The following NAV1 variants were observed in gnomAD, a reference collection of about 807,000 sequenced individuals.
NAV1 encodes the protein neuron navigator 1.
NAV1 carries 18 observed loss-of-function variants against 175.2 expected under a neutral mutation model. The observed-to-expected ratio is 0.10, with a 90% CI of 0.07 to 0.15. The LOEUF is 0.15. Ranked by LOEUF, NAV1 falls within the 10% of genes least tolerant of loss-of-function variation. The pLI is 1.00. For missense variants in NAV1, 1,731 were observed against 2,436.6 expected, an observed-to-expected ratio of 0.71 and a Z score of 6.10; for synonymous variants, 897 against 978.7, an observed-to-expected ratio of 0.92 and a Z score of 1.56.
At chr1:201,655,783 C>T (rs1290020903) in intron 1 of NAV1, among the ~76,000 whole-genome samples, 1 of 152,102 alleles carries the variant, frequency 6.6e-6, no homozygotes, top group Non-Finnish European at 1.5e-5. Context: ...GGCACAGCAG[C>T]GTGTGCCTGG....
exon 1 of NAV1, chr1:201,648,788 A>G: frequency 5.3e-6 from 8 of 1,497,206 alleles, no homozygotes; most frequent in Non-Finnish European, 6.2e-6. Context: ...CGGACGGCAG[A>G]GGCATGCTGC....
At chr1:201,811,562 C>T in intron 24 of NAV1, 41 bp from the exon 29 acceptor site, 1 of 1,613,152 alleles carries the variant, frequency 6.2e-7, no homozygotes, top group Non-Finnish European at 8.5e-7. Flanking sequence ...GATCCAGCTG[C>T]TTATTCCCAA....
intron 1 of NAV1, among the ~76,000 whole-genome samples, chr1:201,586,458 G>A (rs1442533872): frequency 6.6e-6 from 1 of 152,194 alleles, no homozygotes; most frequent in East Asian, 1.9e-4. Context: ...CCATAACAAA[G>A]TGCCACAGAC....
chr1:201,816,674 C>CTT (rs35468878), intron 28 of NAV1, among the ~76,000 whole-genome samples: 47,730 of 102,874 alleles, frequency 0.46, 13,436 homozygotes, highest in Non-Finnish European at 0.56. Context: ...AGGAAGTGCA[C>CTT]TTTTTTTTTT....
At chr1:201,669,089 C>T (rs2102373566) in intron 1 of NAV1, among the ~76,000 whole-genome samples, 1 of 152,318 alleles carries the variant, frequency 6.6e-6, no homozygotes, top group Non-Finnish European at 1.5e-5. Context: ...TGGTTAGCAA[C>T]AAATGGCATG....
At chr1:201,563,616 C>T (rs183875154) in intron 1 of NAV1, among the ~76,000 whole-genome samples, 27 of 152,214 alleles carry the variant, frequency 1.8e-4, no homozygotes, top group Non-Finnish European at 3.2e-4. Flanking sequence ...TTGGCTAACA[C>T]CCCACTTCTC....
chr1:201,653,318 A>G (rs1169138580), intron 1 of NAV1, among the ~76,000 whole-genome samples: 3 of 152,238 alleles, frequency 2.0e-5, no homozygotes, highest in Admixed American at 1.3e-4. Context: ...GCCCAAGGTC[A>G]GGGAGTAAAA....
chr1:201,655,664 C>CG (rs1388493856), intron 1 of NAV1, among the ~76,000 whole-genome samples: 2 of 152,170 alleles, frequency 1.3e-5, no homozygotes, highest in South Asian at 2.1e-4. Context: ...CCACAGAGAT[C>CG]GGGGGCAGAC....
intron 1 of NAV1, among the ~76,000 whole-genome samples, chr1:201,588,318 C>A (rs1010069337): frequency 2.0e-5 from 3 of 152,062 alleles, no homozygotes; most frequent in Admixed American, 2.0e-4. Flanking sequence ...CAAAAGCCCA[C>A]GTATTGTATG....
intron 1 of NAV1, among the ~76,000 whole-genome samples, chr1:201,663,499 C>G (rs1266432939): frequency 6.6e-6 from 1 of 152,162 alleles, no homozygotes; most frequent in East Asian, 1.9e-4. Flanking sequence ...CCCTCTCTGT[C>G]CCGGGTTCAA....
intron 3 of NAV1, among the ~76,000 whole-genome samples, chr1:201,746,615 G>C (rs1673782412): frequency 6.6e-6 from 1 of 152,178 alleles, no homozygotes; most frequent in South Asian, 2.1e-4. Flanking sequence ...AGAAATGTAA[G>C]GGAAGATTTA....
At chr1:201,715,162 G>T (rs1164344508) in intron 2 of NAV1, among the ~76,000 whole-genome samples, 1 of 142,102 alleles carries the variant, frequency 7.0e-6, no homozygotes, top group South Asian at 2.2e-4. Context: ...ACTTTTTATG[G>T]CTCTTTTTTT....
chr1:201,816,841 C>G, intron 28 of NAV1: 1 of 447,906 alleles, frequency 2.2e-6, no homozygotes, highest in South Asian at 2.5e-5. Flanking sequence ...TTTTTTTTTT[C>G]TTTTTTCTTT....
chr1:201,541,418 G>T (rs1665509692), intron 1 of NAV1, among the ~76,000 whole-genome samples: 1 of 152,208 alleles, frequency 6.6e-6, no homozygotes, highest in African/African-American at 2.4e-5. Flanking sequence ...TTGCCCATGG[G>T]TAAGTAGGCA....
At chr1:201,580,625 T>C (rs192012651) in intron 1 of NAV1, among the ~76,000 whole-genome samples, 82 of 152,022 alleles carry the variant, frequency 5.4e-4, no homozygotes, top group African/African-American at 1.9e-3. Flanking sequence ...ATACAAAAAA[T>C]AGCTGGGCGT....
At chr1:201,568,374 A>C (rs1666427353) in intron 1 of NAV1, among the ~76,000 whole-genome samples, 1 of 152,148 alleles carries the variant, frequency 6.6e-6, no homozygotes, top group African/African-American at 2.4e-5. Flanking sequence ...ATGGAGTGTC[A>C]GCACTCCATT....
At chr1:201,746,696 C>T (rs1673788742) in intron 3 of NAV1, among the ~76,000 whole-genome samples, 1 of 152,092 alleles carries the variant, frequency 6.6e-6, no homozygotes, top group African/African-American at 2.4e-5. Context: ...CAAATGTAGA[C>T]TGCATCAAAA....
At chr1:201,715,657 A>G (rs1672109273) in intron 2 of NAV1, among the ~76,000 whole-genome samples, 1 of 152,218 alleles carries the variant, frequency 6.6e-6, no homozygotes, top group Non-Finnish European at 1.5e-5. Context: ...TGCCAGGCAC[A>G]GCGCTGGGCA....
chr1:201,726,080 T>C (rs1672594136), intron 3 of NAV1, among the ~76,000 whole-genome samples: 1 of 152,244 alleles, frequency 6.6e-6, no homozygotes, highest in African/African-American at 2.4e-5. Flanking sequence ...AGATAATATC[T>C]AACAATTAGA....
Sources: gnomAD v4.1 joint callset for allele counts (sites outside exome capture counted in the v4.1 genomes callset) on GRCh38, gnomAD v4.1.1 for gene constraint, MANE v1.5 for transcripts, NCBI Gene and HGNC (gene_info 2026-07-23, HGNC 2026-07-21) for gene names.